Variants in UBR4 observed in about 807,000 individuals in gnomAD.
UBR4 encodes E3 ubiquitin-protein ligase UBR4.
In UBR4, 124 loss-of-function variants were observed where a neutral mutation model predicts 575.6. The observed-to-expected ratio is 0.22, with a 90% CI of 0.19 to 0.25. The LOEUF (loss-of-function observed/expected upper bound fraction) is 0.25, where lower values mean the gene tolerates loss of function less well. Ranked by LOEUF, UBR4 falls within the 10% of genes least tolerant of loss-of-function variation. The pLI, the probability that UBR4 is intolerant of heterozygous loss-of-function variation, is 1.00. For missense variants in UBR4, 4,818 were observed against 6,478.8 expected, an observed-to-expected ratio of 0.74 and a Z score of 8.80; for synonymous variants, 2,455 against 2,473.7, an observed-to-expected ratio of 0.99 and a Z score of 0.22.
chr1:19,137,546 T>C (rs1254810180), intron 60 of UBR4, among the ~76,000 whole-genome samples: 3 of 152,224 alleles, frequency 2.0e-5, no homozygotes, highest in Non-Finnish European at 2.9e-5. Flanking sequence ...TCTAGCCATA[T>C]GCATATATTT....
chr1:19,153,254 G>T lies in UBR4; in HGVS notation c.6832+47C>A. Reference sequence around the variant, plus strand: ...GTCTATTCTGAGTCACTGTCTAGAAGACCACCATTCCTACTCCCCCACAAG... The same window carrying T: ...GTCTATTCTGAGTCACTGTCTAGAATACCACCATTCCTACTCCCCCACAAG... On this transcript the variant is annotated intron_variant, in intron 46 of 105. Transcript: ENST00000375254. The surrounding 1 kb of genome is among the most constrained non-coding windows in gnomAD (Gnocchi z 4.1). 1 of 1,588,576 alleles carries T rather than the reference G, an allele frequency of 6.3e-7. No homozygotes were observed. Among genetic ancestry groups the T allele is most frequent in the South Asian group, 1.1e-5 (1 of 90,174 alleles).
intron 103 of UBR4, chr1:19,078,908 C>G (rs749376730): frequency 6.6e-6 from 1 of 152,160 alleles, no homozygotes; most frequent in African/African-American, 2.4e-5. Flanking sequence ...AGGCTCCCCT[C>G]GGCACAGACA....
intron 8 of UBR4, among the ~76,000 whole-genome samples, chr1:19,194,417 G>C (rs1013233906): frequency 1.3e-5 from 2 of 152,166 alleles, no homozygotes; most frequent in African/African-American, 4.8e-5. Flanking sequence ...GCACCCAGGG[G>C]TTTGAGGCTA....
chr1:19,092,739 G>A (rs977479290), intron 97 of UBR4, 80 bp downstream of exon 97: 3 of 1,169,976 alleles, frequency 2.6e-6, no homozygotes, highest in Non-Finnish European at 2.4e-6. Context: ...CATATATTAG[G>A]GTAAGTCATG....
At chr1:19,165,787 A>C (rs1323051030) in intron 29 of UBR4, 30 bp from the exon 30 acceptor site, 9 of 1,575,078 alleles carry the variant, frequency 5.7e-6, no homozygotes, top group Non-Finnish European at 7.8e-6. Flanking sequence ...CTTAACCACC[A>C]GTATTAAGAC....
At chr1:19,145,506 G>GACACACACACACACACAC (rs1557773651) in intron 53 of UBR4, among the ~76,000 whole-genome samples, 2 of 43,378 alleles carry the variant, frequency 4.6e-5, no homozygotes, top group East Asian at 4.2e-3. Context: ...ATAAACCACT[G>GACACACACACACACACAC]AGACACACAC....
intron 81 of UBR4, 33 bp from the exon 82 acceptor site, chr1:19,106,999 C>T (rs772918721): frequency 1.9e-6 from 3 of 1,609,060 alleles, no homozygotes; most frequent in East Asian, 2.2e-5. Flanking sequence ...GGTGAGGGCG[C>T]TCAAGGGCAC....
In UBR4 at chr1:19,093,202, C is replaced by T; in HGVS notation, c.14111+111G>A. On this transcript the variant is annotated intron_variant, in intron 96 of 105. Transcript: ENST00000375254. The surrounding 1 kb of genome is among the most constrained non-coding windows in gnomAD (Gnocchi z 4.8). ...AGTTTCCAGAAGCGGTTGGGAGGCCCCAAGGAGGGCAAGGGGCACACGTGA... is the reference window on the plus strand; with the variant it reads ...AGTTTCCAGAAGCGGTTGGGAGGCCTCAAGGAGGGCAAGGGGCACACGTGA... 1 of 1,411,170 alleles carries T rather than the reference C, an allele frequency of 7.1e-7. No individual in the cohort carries two copies. The highest frequency in any genetic ancestry group is 9.7e-7 in the Non-Finnish European group (1 of 1,033,178). The allele number at this position is 1,411,170 out of a possible 1,614,324, so 87.4% of individuals were successfully genotyped here.
At position 19,117,126 on chromosome 1, in the gene UBR4, G is replaced by C. The variant is rs2080636839; in HGVS notation, c.10823+95C>G. 2.2e-6 allele frequency: 3 copies of C among 1,393,540 alleles called. No individual in the cohort carries two copies. Among genetic ancestry groups the C allele is most frequent in the Admixed American group, 1.8e-5 (1 of 55,164 alleles). The allele number at this position is 1,393,540 out of a possible 1,614,324, so 86.3% of individuals were successfully genotyped here. ...CAAGAGGATGTATTAGGCCTCTAGGGATGTGCTGCCTTACTCCATTCCAGG... is the reference window on the plus strand; with the variant it reads ...CAAGAGGATGTATTAGGCCTCTAGGCATGTGCTGCCTTACTCCATTCCAGG... On this transcript the variant is annotated intron_variant, in intron 73 of 105. Coordinates refer to ENST00000375254, the MANE Select transcript of UBR4 (RefSeq NM_020765.3). This position sits in a 1 kb window ranked among gnomAD's most constrained non-coding sequence, Gnocchi z 4.0.
intron 3 of UBR4, 126 bp downstream of exon 3, chr1:19,199,525 A>T: frequency 1.3e-6 from 1 of 795,958 alleles, no homozygotes; most frequent in Non-Finnish European, 2.0e-6. Flanking sequence ...AACAGATAAC[A>T]TACAGCCTGC....
chr1:19,102,854 A>C (rs180798581), intron 87 of UBR4, among the ~76,000 whole-genome samples: 119 of 152,300 alleles, frequency 7.8e-4, no homozygotes, highest in African/African-American at 2.8e-3. Context: ...CCCCCAACCA[A>C]ATAACTGAGG....
intron 59 of UBR4, among the ~76,000 whole-genome samples, 182 bp from the exon 60 acceptor site, chr1:19,138,363 C>T (rs2149897431): frequency 6.6e-6 from 1 of 152,330 alleles, no homozygotes; most frequent in South Asian, 2.1e-4. Flanking sequence ...ATCACTCTCA[C>T]AGTAGCCATT....
At chr1:19,075,724 G>A (rs1268646323) in intron 105 of UBR4, among the ~76,000 whole-genome samples, 1 of 152,238 alleles carries the variant, frequency 6.6e-6, no homozygotes, top group Non-Finnish European at 1.5e-5. Context: ...CTGGCTCTGA[G>A]CTGGGAAGAA....
Position 19,122,938 on chromosome 1 carries a change from C to G in UBR4, c.9711G>C (p.Val3237=). 2.5e-6 allele frequency: 4 copies of G among 1,614,222 alleles called. No homozygotes were observed. The highest frequency in any genetic ancestry group is 3.4e-6 in the Non-Finnish European group (4 of 1,180,036). ...CTTCTAGCAGCTTCTTGATCCCACG[C>G]ACGTGAGAGTCCAGGGTGTGCAAAT... The part of the protein sequence containing the change: ...LRDLHTLDSH[V]RGIKKLLEEQ... The change falls in exon 66 of 106, where the codon GTG becomes GTC. Residue 3237 remains valine, a synonymous_variant. Coordinates refer to ENST00000375254, the MANE Select transcript of UBR4 (RefSeq NM_020765.3).
At chr1:19,116,830 T>C (rs1323700301) in intron 73 of UBR4, among the ~76,000 whole-genome samples, 3 of 152,224 alleles carry the variant, frequency 2.0e-5, no homozygotes, top group African/African-American at 7.2e-5. Flanking sequence ...CTTTCTGCCC[T>C]GTGAGCAAGA....
intron 28 of UBR4, 52 bp downstream of exon 28, chr1:19,167,975 C>T: frequency 6.7e-7 from 1 of 1,485,172 alleles, no homozygotes; most frequent in Non-Finnish European, 9.0e-7. Context: ...CCCTCTTTAA[C>T]CACAATAGAA....
At chr1:19,097,985 T>G (rs1042966107) in intron 90 of UBR4, among the ~76,000 whole-genome samples, 1 of 152,240 alleles carries the variant, frequency 6.6e-6, no homozygotes, top group Non-Finnish European at 1.5e-5. Context: ...GAAAGTTCCC[T>G]GTATGTCTGG....
chr1:19,143,865 A>C, intron 55 of UBR4, 115 bp downstream of exon 55: 1 of 847,998 alleles, frequency 1.2e-6, no homozygotes. Flanking sequence ...AAAGACAGAT[A>C]CATAAAGTCT....
At chr1:19,134,086 TAAAAAAAAAAAAAA>T (rs71030132) in intron 60 of UBR4, among the ~76,000 whole-genome samples, 3 of 52,524 alleles carry the variant, frequency 5.7e-5, no homozygotes, top group East Asian at 1.4e-3. Flanking sequence ...ACTCTGTCTC[TAAAAAAAAAAAAAA>T]AAAAAAAAAA....
Sources: gnomAD v4.1 joint callset for allele counts (sites outside exome capture counted in the v4.1 genomes callset) on GRCh38, gnomAD v4.1.1 for gene constraint, Gnocchi (gnomAD v3.1) non-coding constraint, MANE v1.5 for transcripts, NCBI Gene and HGNC (gene_info 2026-07-23, HGNC 2026-07-21) for gene names.